Variants in RGL1 observed in about 807,000 individuals in gnomAD.
RGL1 encodes ral guanine nucleotide dissociation stimulator like 1.
A neutral mutation model predicts 95.2 loss-of-function variants in RGL1; 24 were observed. That is an observed-to-expected ratio of 0.25 (90% CI 0.18 to 0.35). The LOEUF (loss-of-function observed/expected upper bound fraction) is 0.35. RGL1 is among the 10% of genes least tolerant of loss of function. RGL1 has a pLI of 1.00. For missense variants in RGL1, 715 were observed against 936.3 expected (o/e 0.76, Z 3.08); for synonymous variants, 329 against 344.9 (o/e 0.95, Z 0.51).
rs183038162 is a variant in RGL1, at chr1:183,735,096, G to A, written c.-32-7030G>A. Among the ~76,000 whole-genome samples the A allele has an allele frequency of 3.6e-3, 549 of 152,148 alleles. 2 individuals are homozygous for A. The highest frequency in any genetic ancestry group is 0.011 in the South Asian group (54 of 4,820). ...TTTTTTTTAATTATTAAAAACTTTG[G>A]CCAAATACTATCAGTAAGGGGGAGA... On this transcript the variant is annotated intron_variant, in intron 1 of 18. Transcript: ENST00000304685.
chr1:183,730,756 C>A (rs1331428198), intron 1 of RGL1, among the ~76,000 whole-genome samples: 2 of 152,102 alleles, frequency 1.3e-5, no homozygotes, highest in African/African-American at 2.4e-5. Context: ...TTTAATCAAC[C>A]TTCACCCAGG....
intron 1 of RGL1, among the ~76,000 whole-genome samples, chr1:183,708,808 G>T (rs2102166475): frequency 6.6e-6 from 1 of 152,370 alleles, no homozygotes. Flanking sequence ...GTGACTGGAG[G>T]CTGAGGAGCT....
chr1:183,905,074 G>A (rs1668241628), intron 13 of RGL1, 103 bp downstream of exon 13: 1 of 1,402,348 alleles, frequency 7.1e-7, no homozygotes, highest in Non-Finnish European at 9.6e-7. Context: ...TATTTAGTGA[G>A]CAGCTGCTAG....
At chr1:183,878,762 T>C (rs1666662497) in intron 4 of RGL1, among the ~76,000 whole-genome samples, 1 of 152,214 alleles carries the variant, frequency 6.6e-6, no homozygotes, top group Non-Finnish European at 1.5e-5. Context: ...TGTGTTTCCG[T>C]CTGGGTGTTC....
At chr1:183,682,372 G>A (rs1193428430) in intron 1 of RGL1, among the ~76,000 whole-genome samples, 8 of 151,860 alleles carry the variant, frequency 5.3e-5, no homozygotes, top group African/African-American at 1.9e-4. Flanking sequence ...CGTTGTCTTG[G>A]TTCTCATTGA....
At chr1:183,661,039 C>G (rs974222374) in intron 1 of RGL1, among the ~76,000 whole-genome samples, 2 of 152,118 alleles carry the variant, frequency 1.3e-5, no homozygotes, top group Admixed American at 1.3e-4. Flanking sequence ...ACCAGAATCT[C>G]TGGGACACAT....
intron 2 of RGL1, among the ~76,000 whole-genome samples, chr1:183,835,600 C>A (rs1663592530): frequency 6.6e-6 from 1 of 152,090 alleles, no homozygotes; most frequent in African/African-American, 2.4e-5. Context: ...GATTTTGTTT[C>A]CCCCCAAAGA....
intron 2 of RGL1, among the ~76,000 whole-genome samples, chr1:183,834,058 G>A (rs1286534321): frequency 2.7e-5 from 4 of 150,568 alleles, no homozygotes; most frequent in African/African-American, 9.8e-5. Flanking sequence ...AAGAGTCTAG[G>A]CCAGGTCTAG....
In RGL1 at chr1:183,916,551, C is replaced by G. The variant is rs1330905793; in HGVS notation, c.1854C>G (p.Asn618Lys). 1.9e-6 allele frequency: 3 copies of G among 1,613,926 alleles called. No individual in the cohort carries two copies. The Admixed American group carries it at 5.0e-5, about 27-fold the overall frequency. ...INPLSSPPSCNNNPKIHKRSV... is the reference protein window; with the variant it reads ...INPLSSPPSCKNNPKIHKRSV... The stretch of plus-strand genomic sequence containing the variant: ...CCCTCTCCTCCCCTCCGTCCTGCAA[C>G]AACAACCCCAAAATCCACAAGCGCT... Residue 618 changes from asparagine to lysine, a missense_variant, in exon 16 of 18, where the codon AAC becomes AAG. By Grantham distance (94) the Asn-to-Lys change is moderately conservative. Transcript: ENST00000360851.
At chr1:183,710,987 G>C (rs1468032705) in intron 1 of RGL1, among the ~76,000 whole-genome samples, 2 of 152,152 alleles carry the variant, frequency 1.3e-5, no homozygotes, top group Non-Finnish European at 2.9e-5. Context: ...TCTCTCCTGA[G>C]CTACACTTCT....
chr1:183,806,238 G>A (rs904152734), intron 1 of RGL1, 137 bp from the exon 2 acceptor site: 3 of 608,820 alleles, frequency 4.9e-6, no homozygotes, highest in African/African-American at 1.9e-5. Context: ...CTTGTATTGC[G>A]GATTGTAATA....
At chr1:183,852,220 G>A (rs1664865065) in intron 3 of RGL1, among the ~76,000 whole-genome samples, 1 of 152,002 alleles carries the variant, frequency 6.6e-6, no homozygotes, top group Admixed American at 6.5e-5. Context: ...GGAACTATTT[G>A]CTTTCTGGGA....
chr1:183,877,062 G>A (rs1458956191), intron 4 of RGL1, among the ~76,000 whole-genome samples: 1 of 152,188 alleles, frequency 6.6e-6, no homozygotes, highest in African/African-American at 2.4e-5. Context: ...TCCCCAGAGA[G>A]GGGGGTCAGT....
At chr1:183,699,114 C>T (rs1654433302) in intron 1 of RGL1, among the ~76,000 whole-genome samples, 1 of 152,184 alleles carries the variant, frequency 6.6e-6, no homozygotes. Flanking sequence ...ACAATGGTAC[C>T]AATATTTCAG....
intron 1 of RGL1, among the ~76,000 whole-genome samples, chr1:183,645,920 A>C (rs1650260625): frequency 6.6e-6 from 1 of 152,234 alleles, no homozygotes; most frequent in Admixed American, 6.5e-5. Context: ...TTAACTGCCA[A>C]AGGCACTTTC....
At chr1:183,650,547 C>T (rs974644893) in intron 1 of RGL1, among the ~76,000 whole-genome samples, 9 of 151,514 alleles carry the variant, frequency 5.9e-5, no homozygotes, top group Middle Eastern at 3.4e-3. Flanking sequence ...TGTCTCAAAA[C>T]GAAAAACAAA....
chr1:183,676,942 G>A (rs74832909), intron 1 of RGL1, among the ~76,000 whole-genome samples: 12,222 of 151,008 alleles, frequency 0.081, 903 homozygotes, highest in African/African-American at 0.2. Context: ...ACAGAAAAGG[G>A]CATATAATAA....
chr1:183,798,446 TCAC>T (rs1414092971), intron 2 of RGL1, among the ~76,000 whole-genome samples: 1 of 152,130 alleles, frequency 6.6e-6, no homozygotes, highest in African/African-American at 2.4e-5. Flanking sequence ...CATGAAACCA[TCAC>T]CACCATCAAA....
chr1:183,880,909 A>C lies in RGL1; in HGVS notation c.610+109A>C, dbSNP rs975307350. On this transcript the variant is annotated intron_variant, in intron 5 of 17. Transcript: ENST00000360851. ...CTAATAGGAAACCTTGGTACCCTCA[A>C]AACAACATGCTGCTGGAGGATTGGC... is the stretch of plus-strand genomic sequence containing the variant. The C allele has an allele frequency of 2.2e-5, 21 of 934,390 alleles. No homozygotes were observed. The South Asian group carries it at 3.2e-4, about 14-fold the overall frequency. The allele number at this position is 934,390 out of a possible 1,614,324, so 57.9% of individuals were successfully genotyped here.
Sources: gnomAD v4.1 joint callset for allele counts (sites outside exome capture counted in the v4.1 genomes callset) on GRCh38, gnomAD v4.1.1 for gene constraint, MANE v1.5 for transcripts, NCBI Gene and HGNC (gene_info 2026-07-23, HGNC 2026-07-21) for gene names.